ATRNL1: variants seen among roughly 807,000 people sequenced by gnomAD.
ATRNL1 encodes attractin-like protein 1.
ATRNL1 carries 95 observed loss-of-function variants against 182.7 expected under a neutral mutation model. The observed-to-expected ratio is 0.52, with a 90% CI of 0.44 to 0.62. The LOEUF (loss-of-function observed/expected upper bound fraction) is 0.62. Among genes scored for constraint, ATRNL1 ranks in the 20% least tolerant of loss-of-function variants. ATRNL1 has a pLI of 0.00. For missense variants in ATRNL1, 1,471 were observed against 1,679.5 expected, an observed-to-expected ratio of 0.88 and a Z score of 2.17; for synonymous variants, 576 against 568.3, an observed-to-expected ratio of 1.01 and a Z score of -0.19.
intron 26 of ATRNL1, among the ~76,000 whole-genome samples, chr10:115,650,283 G>A (rs1430004407): frequency 6.6e-6 from 1 of 152,228 alleles, no homozygotes. Flanking sequence ...CGTATGCAGA[G>A]CTGACACGAT....
At chr10:115,377,046 A>T (rs665750) in intron 19 of ATRNL1, among the ~76,000 whole-genome samples, 4,291 of 151,500 alleles carry the variant, frequency 0.028, 232 homozygotes, top group African/African-American at 0.1. Flanking sequence ...TAGCTCTTGG[A>T]TTTCTATTTT....
chr10:115,885,740 T>C (rs1394034682), intron 28 of ATRNL1, among the ~76,000 whole-genome samples: 1 of 152,214 alleles, frequency 6.6e-6, no homozygotes, highest in Non-Finnish European at 1.5e-5. Flanking sequence ...AAGCGGTATA[T>C]TGTGAACATT....
At chr10:115,226,223 T>G (rs192582976) in intron 9 of ATRNL1, among the ~76,000 whole-genome samples, 1 of 151,996 alleles carries the variant, frequency 6.6e-6, no homozygotes, top group Non-Finnish European at 1.5e-5. Flanking sequence ...AAATGAATAT[T>G]AAGCCCTACC....
intron 25 of ATRNL1, among the ~76,000 whole-genome samples, chr10:115,521,375 T>A (rs1443535808): frequency 6.6e-6 from 1 of 151,978 alleles, no homozygotes; most frequent in Admixed American, 6.6e-5. Flanking sequence ...GTGGTCTCGA[T>A]CTCCTGACCT....
chr10:115,267,885 C>T (rs117233318), intron 12 of ATRNL1, among the ~76,000 whole-genome samples: 3,551 of 152,160 alleles, frequency 0.023, 62 homozygotes, highest in South Asian at 0.048. Flanking sequence ...CCTTAGCTTT[C>T]CGAGTAGCTG....
intron 26 of ATRNL1, among the ~76,000 whole-genome samples, chr10:115,600,081 G>A (rs544673875): frequency 5.9e-5 from 9 of 152,004 alleles, no homozygotes; most frequent in Non-Finnish European, 8.8e-5. Flanking sequence ...GAATTATGCA[G>A]CATGTGTGTG....
chr10:115,588,527 A>G (rs1855710442), intron 26 of ATRNL1, among the ~76,000 whole-genome samples: 1 of 152,168 alleles, frequency 6.6e-6, no homozygotes, highest in African/African-American at 2.4e-5. Context: ...TTTCAAAGCT[A>G]AGTGTTTTAA....
intron 18 of ATRNL1, among the ~76,000 whole-genome samples, chr10:115,324,963 G>A (rs1199430626): frequency 6.6e-6 from 1 of 151,980 alleles, no homozygotes; most frequent in African/African-American, 2.4e-5. Context: ...TTTTAAAGTG[G>A]TATATGTGTT....
At chr10:115,561,495 A>G (rs1029604589) in intron 26 of ATRNL1, among the ~76,000 whole-genome samples, 2 of 152,188 alleles carry the variant, frequency 1.3e-5, no homozygotes, top group Non-Finnish European at 2.9e-5. Context: ...TTTACATAAC[A>G]TTTGCATTGT....
intron 5 of ATRNL1, among the ~76,000 whole-genome samples, chr10:115,155,147 G>A (rs1846445155): frequency 6.6e-6 from 1 of 151,572 alleles, no homozygotes; most frequent in Non-Finnish European, 1.5e-5. Flanking sequence ...CTGTTTTAAT[G>A]GATTTTTTTT....
At chr10:115,770,390 A>G (rs1178631404) in intron 27 of ATRNL1, among the ~76,000 whole-genome samples, 1 of 152,176 alleles carries the variant, frequency 6.6e-6, no homozygotes, top group Non-Finnish European at 1.5e-5. Context: ...GTGATACAGA[A>G]TTATGTAATT....
At chr10:115,142,782 T>G (rs782301035) in intron 5 of ATRNL1, among the ~76,000 whole-genome samples, 3 of 152,098 alleles carry the variant, frequency 2.0e-5, no homozygotes, top group Admixed American at 6.6e-5. Context: ...GACAATGGCT[T>G]GAATACTGAA....
chr10:115,404,110 G>A (rs1403925740), intron 20 of ATRNL1, among the ~76,000 whole-genome samples: 1 of 152,154 alleles, frequency 6.6e-6, no homozygotes. Context: ...AAATGTTTGA[G>A]TTCTTTTGGA....
At chr10:115,151,671 G>C (rs1313938) in intron 5 of ATRNL1, among the ~76,000 whole-genome samples, 6,486 of 151,982 alleles carry the variant, frequency 0.043, 457 homozygotes, top group African/African-American at 0.15. Context: ...TGTAGGTTGC[G>C]TGTTCACTTT....
intron 26 of ATRNL1, among the ~76,000 whole-genome samples, chr10:115,650,388 TAAATA>T (rs1859910938): frequency 6.6e-6 from 1 of 152,076 alleles, no homozygotes; most frequent in African/African-American, 2.4e-5. Context: ...GATTTATATA[TAAATA>T]AAATTTTATT....
At chr10:115,454,956 G>A (rs1554968396) in intron 21 of ATRNL1, among the ~76,000 whole-genome samples, 2 of 152,020 alleles carry the variant, frequency 1.3e-5, no homozygotes, top group Admixed American at 6.6e-5. Context: ...GGTGAGAGTG[G>A]ACATCCCTTC....
At chr10:115,238,393 C>T (rs1329729388) in intron 9 of ATRNL1, among the ~76,000 whole-genome samples, 1 of 152,136 alleles carries the variant, frequency 6.6e-6, no homozygotes, top group Non-Finnish European at 1.5e-5. Flanking sequence ...CATGTACTAT[C>T]TCTTTATTTA....
intron 25 of ATRNL1, among the ~76,000 whole-genome samples, chr10:115,527,016 G>GGAA (rs1851250424): frequency 6.6e-6 from 1 of 152,060 alleles, no homozygotes. Flanking sequence ...ACAGCCCTTG[G>GGAA]GAAGCATGGG....
chr10:115,610,556 A>G (rs1857102603), intron 26 of ATRNL1, among the ~76,000 whole-genome samples: 1 of 152,194 alleles, frequency 6.6e-6, no homozygotes, highest in Non-Finnish European at 1.5e-5. Flanking sequence ...TTAACCTTTA[A>G]TAGAGACAGA....
Sources: allele counts gnomAD v4.1 joint callset (sites outside exome capture counted in the v4.1 genomes callset), GRCh38; gene constraint gnomAD v4.1.1; transcripts MANE v1.5; gene names NCBI Gene and HGNC (gene_info 2026-07-23, HGNC 2026-07-21).